Variants in DST observed in about 807,000 individuals in gnomAD.
The protein encoded by DST is dystonin.
A neutral mutation model predicts 875.2 loss-of-function variants in DST; 253 were observed. The ratio of observed to expected loss-of-function variants is 0.29; its 90% CI spans 0.26 to 0.32. The LOEUF (loss-of-function observed/expected upper bound fraction) is 0.32, where lower values mean the gene tolerates loss of function less well. Ranked by LOEUF, DST falls within the 10% of genes least tolerant of loss-of-function variation. The pLI, the probability that DST is intolerant of heterozygous loss-of-function variation, is 1.00. For synonymous variants in DST, 3,124 were observed against 3,197.1 expected, an observed-to-expected ratio of 0.98 and a Z score of 0.77; for missense variants, 8,287 against 9,111.6, an observed-to-expected ratio of 0.91 and a Z score of 3.68.
chr6:56,663,664 T>C (rs1198509461), intron 10 of DST, among the ~76,000 whole-genome samples: 2 of 152,268 alleles, frequency 1.3e-5, no homozygotes, highest in Non-Finnish European at 2.9e-5. Context: ...AAGATGACTC[T>C]GACCACAGCT....
At chr6:56,942,495 G>A (rs1304671105) in intron 2 of DST, among the ~76,000 whole-genome samples, 1 of 151,800 alleles carries the variant, frequency 6.6e-6, no homozygotes, top group African/African-American at 2.4e-5. Context: ...TAGTTGCTCT[G>A]AGAGTTAAAA....
rs576515609 is a variant in DST, at chr6:56,458,346, C to T, written c.*659G>A. On this transcript the variant is annotated 3_prime_UTR_variant, in exon 104 of 104. Transcript: ENST00000680361. ...TACTGTCCACTCAAGCAAAAGAAAA[C>T]CTCACATGTATATGAACGCACTTTA... is the stretch of plus-strand genomic sequence containing the variant. The T allele has an allele frequency of 3.3e-5, 5 of 152,638 alleles. No homozygotes were observed. The highest frequency in any genetic ancestry group is 9.6e-5 in the African/African-American group (4 of 41,564). The allele number at this position is 152,638 out of a possible 1,614,324, so 9.5% of individuals were successfully genotyped here. A position where few individuals can be genotyped will look rare whatever the true frequency, so the allele number is the denominator to read the frequency against.
intron 2 of DST, among the ~76,000 whole-genome samples, chr6:56,948,215 T>C (rs1820654712): frequency 6.6e-6 from 1 of 152,218 alleles, no homozygotes; most frequent in South Asian, 2.1e-4. Flanking sequence ...AGCTTCAGCA[T>C]ACGATTTTTT....
chr6:56,622,397 C>T (rs1391577240), intron 36 of DST, among the ~76,000 whole-genome samples: 2 of 151,564 alleles, frequency 1.3e-5, no homozygotes, highest in South Asian at 2.1e-4. Flanking sequence ...GGTGAAACCC[C>T]GTCTCTACTA....
chr6:56,684,538 G>A (rs188412800), intron 9 of DST, among the ~76,000 whole-genome samples: 167 of 152,296 alleles, frequency 1.1e-3, no homozygotes, highest in African/African-American at 3.9e-3. Flanking sequence ...ACTAAAAGAG[G>A]TGACGTCATT....
rs1408157763 is a variant in DST at position 56,894,292 on chromosome 6, G to A, written c.417+6129C>T. On this transcript the variant is annotated intron_variant, in intron 3 of 103. Transcript: ENST00000680361. ...AGGCAGAGGGGCTCCTCACTTCCCA[G>A]TAGGGGCGGCCGGGCAGAGGCGCCC... Among the ~76,000 whole-genome samples, 2 of 81,272 alleles carry A rather than the reference G, an allele frequency of 2.5e-5. 1 individual carries two copies. Among genetic ancestry groups the A allele is most frequent in the African/African-American group, 1.5e-4 (2 of 13,372 alleles). 53.3% of individuals were successfully genotyped at this position (81,272 alleles called of 152,430 possible).
In DST at chr6:56,609,262, A is replaced by T; in HGVS notation, c.5366T>A (p.Ile1789Asn). The change falls in exon 40 of 104, where the codon ATT becomes AAT. Residue 1789 changes from isoleucine (I) to asparagine (N), a missense_variant. Ile to Asn is a moderately radical substitution (Grantham distance 149). This residue lies in a region of DST where 3,138 missense variants were observed against 3,116.6 expected (regional missense o/e 1.01). Transcript: ENST00000680361. ...SVFQAVLRGL[I>N]DYDTGIRLLE... ...CAACCTAATTCCTGTGTCATAGTCA[A>T]TGAGGCCTCTTAAAACTGCTTGAAA... is the stretch of plus-strand genomic sequence containing the variant. 6.2e-7 allele frequency: 1 copy of T among 1,613,700 alleles called. No homozygotes were observed. Among genetic ancestry groups the T allele is most frequent in the Non-Finnish European group, 8.5e-7 (1 of 1,179,708 alleles).
In DST at chr6:56,802,109, C is replaced by T. The variant is rs572547403; in HGVS notation, c.625+49288G>A. 3.9e-5 allele frequency among the ~76,000 whole-genome samples: 6 copies of T among 152,236 alleles called. No individual in the cohort carries two copies. The East Asian group carries it at 1.2e-3, about 29-fold the overall frequency. On this transcript the variant is annotated intron_variant, in intron 4 of 103. Transcript: ENST00000680361. ...CCAATTTCTAATTCCTTAATATCTA[C>T]TACCATTTCTATTTTTTGTTTTTTC...
chr6:56,566,544 C>A (rs1562846575), intron 55 of DST, among the ~76,000 whole-genome samples: 1 of 152,154 alleles, frequency 6.6e-6, no homozygotes, highest in Non-Finnish European at 1.5e-5. Context: ...TCTAACCAGT[C>A]CCAATGAGAT....
In DST at chr6:56,459,812, T is replaced by C. The variant is rs527673258; in HGVS notation, c.23194+319A>G. 2.8e-4 allele frequency among the ~76,000 whole-genome samples: 42 copies of C among 152,282 alleles called. 1 individual carries two copies. The highest frequency in any genetic ancestry group is 5.9e-4 in the Admixed American group (9 of 15,302). On this transcript the variant is annotated intron_variant, in intron 103 of 103. Coordinates refer to ENST00000680361, the MANE Select transcript of DST (RefSeq NM_001374736.1). ...GTGAGGCTCAGTGTGGCTGGGTTCTTCCAACCACCCCAAAACAGGGCCCTG... is the reference window on the plus strand; with the variant it reads ...GTGAGGCTCAGTGTGGCTGGGTTCTCCCAACCACCCCAAAACAGGGCCCTG...
At chr6:56,594,243 C>G (rs781437539) in intron 47 of DST, 50 bp from the exon 48 acceptor site, 3 of 1,451,428 alleles carry the variant, frequency 2.1e-6, no homozygotes, top group Non-Finnish European at 2.7e-6. Context: ...CGGGGTAACA[C>G]CTGCAGGGAG....
intron 2 of DST, among the ~76,000 whole-genome samples, chr6:56,947,866 C>A (rs1338609596): frequency 1.3e-5 from 2 of 151,882 alleles, no homozygotes; most frequent in African/African-American, 4.9e-5. Flanking sequence ...CCCACTTATC[C>A]ACCACAGATC....
intron 4 of DST, among the ~76,000 whole-genome samples, chr6:56,776,494 AG>A (rs35252947): frequency 2.6e-5 from 4 of 152,228 alleles, no homozygotes; most frequent in Non-Finnish European, 4.4e-5. Flanking sequence ...TGCTAACAAC[AG>A]GGGAAGTTGG....
chr6:56,591,976 C>G (rs2098281601), intron 49 of DST, among the ~76,000 whole-genome samples: 1 of 90,906 alleles, frequency 1.1e-5, no homozygotes, highest in African/African-American at 4.3e-5. Context: ...AGTGAGACTC[C>G]ATCTCAAAAA....
chr6:56,560,087 A>G (rs1207853444), intron 58 of DST, among the ~76,000 whole-genome samples: 1 of 152,112 alleles, frequency 6.6e-6, no homozygotes, highest in Non-Finnish European at 1.5e-5. Context: ...AGATTTAATT[A>G]CTGTGTTTAC....
intron 82 of DST, among the ~76,000 whole-genome samples, chr6:56,494,570 G>A (rs2095850235): frequency 6.6e-6 from 1 of 151,952 alleles, no homozygotes; most frequent in Non-Finnish European, 1.5e-5. Context: ...ATCCCTCCTT[G>A]TACTATGATA....
At position 56,900,049 on chromosome 6, in the gene DST, CTCCTA is replaced by C. The variant is rs918630743; in HGVS notation, c.417+367_417+371del. Reference sequence around the variant, plus strand: ...CCAGCCCCACCTTCCTTCACTGCTTCTCCTATCCTGACACTGGTTTTGTTGTCATC... The same window carrying C: ...CCAGCCCCACCTTCCTTCACTGCTTCTCCTGACACTGGTTTTGTTGTCATC... On this transcript the variant is annotated intron_variant, in intron 3 of 103. Transcript: ENST00000680361. Among the ~76,000 whole-genome samples, 5 of 152,198 alleles carry C rather than the reference CTCCTA, an allele frequency of 3.3e-5. No individual in the cohort carries two copies. The South Asian group carries it at 8.3e-4, about 25-fold the overall frequency.
At position 56,634,475 on chromosome 6, in the gene DST, C is replaced by A. The variant is rs2098809023; in HGVS notation, c.3481G>T (p.Asp1161Tyr). 6.2e-7 allele frequency: 1 copy of A among 1,614,030 alleles called. No homozygotes were observed. The highest frequency in any genetic ancestry group is 8.5e-7 in the Non-Finnish European group (1 of 1,180,022). The change falls in exon 26 of 104, where the codon GAC becomes TAC. Residue 1161 changes from aspartate to tyrosine, a missense_variant. Asp to Tyr is a radical substitution (Grantham distance 160). Around this residue, in one of 10 missense-constraint regions of DST, gnomAD observed 1,160 missense variants for 1,424.3 expected, o/e 0.81. Transcript: ENST00000680361. ...ATATATACAAACCTGTTGGCAAGGTCCACCGCTTCTTTGTTTGGTGGAGGA... is the reference window on the plus strand; with the variant it reads ...ATATATACAAACCTGTTGGCAAGGTACACCGCTTCTTTGTTTGGTGGAGGA... ...TVPPPNKEAV[D>Y]LANRIEQQYQ...
Position 56,670,796 on chromosome 6 carries a change from G to T in DST, c.1059C>A (p.Ile353=), listed in dbSNP as rs1360304535. Residue 353 remains isoleucine (I), a synonymous_variant, in exon 10 of 104, where the codon ATC becomes ATA. Transcript: ENST00000680361. ...TIILHFQISD[I]HVTGESEDMS... is the part of the protein sequence containing the mutation. ...TATCCTCTGACTCTCCAGTAACATGGATATCAGATATCTAGATATAACAGA... is the reference window on the plus strand; with the variant it reads ...TATCCTCTGACTCTCCAGTAACATGTATATCAGATATCTAGATATAACAGA... The T allele has an allele frequency of 1.3e-6, 2 of 1,589,704 alleles. No homozygotes were observed. The highest frequency in any genetic ancestry group is 1.7e-6 in the Non-Finnish European group (2 of 1,168,996).
Sources: gnomAD v4.1 joint callset for allele counts (sites outside exome capture counted in the v4.1 genomes callset) on GRCh38, gnomAD v4.1.1 for gene constraint, gnomAD v4.1.1 regional missense constraint, MANE v1.5 for transcripts, NCBI Gene and HGNC (gene_info 2026-07-23, HGNC 2026-07-21) for gene names.